The following ADARB2 variants were observed in gnomAD, a reference collection of about 807,000 sequenced individuals.
ADARB2 encodes adenosine deaminase RNA specific B2 (inactive), also known as inactive double-stranded RNA-specific editase B2.
In ADARB2, 25 loss-of-function variants were observed where a neutral mutation model predicts 62.2. That is an observed-to-expected ratio of 0.40 (90% CI 0.29 to 0.56). The LOEUF is 0.56. ADARB2 is among the 20% of genes least tolerant of loss of function. The pLI is 0.43. For synonymous variants in ADARB2, 572 were observed against 500.8 expected (o/e 1.14, Z -1.90); for missense variants, 1,071 against 1,077.4 (o/e 0.99, Z 0.08).
chr10:1,317,759 G>GC (rs984368560), intron 3 of ADARB2, among the ~76,000 whole-genome samples: 1 of 146,960 alleles, frequency 6.8e-6, no homozygotes, highest in African/African-American at 2.5e-5. Context: ...GCCTGGGGGG[G>GC]GGTGGGTCAG....
chr10:1,451,983 G>T (rs1012896955), intron 1 of ADARB2, among the ~76,000 whole-genome samples: 19 of 152,206 alleles, frequency 1.2e-4, no homozygotes, highest in Non-Finnish European at 2.4e-4. Flanking sequence ...TCAGTGGCTT[G>T]TTAAAGGACA....
intron 6 of ADARB2, among the ~76,000 whole-genome samples, chr10:1,220,300 GTGGTGATGGTGGTAA>G (rs1238413353): frequency 8.7e-5 from 12 of 137,886 alleles, no homozygotes; most frequent in Non-Finnish European, 1.3e-4. Flanking sequence ...GGTGGTGATG[GTGGTGATGGTGGTAA>G]TGGTGATGGT....
At chr10:1,621,417 TTTC>T (rs1178061695) in intron 1 of ADARB2, among the ~76,000 whole-genome samples, 8 of 144,056 alleles carry the variant, frequency 5.6e-5, no homozygotes, top group African/African-American at 2.3e-4. Flanking sequence ...TTTTTCTTTC[TTTC>T]TTTTTTTTTT....
chr10:1,591,301 G>A (rs1022224540), intron 1 of ADARB2, among the ~76,000 whole-genome samples: 2 of 152,210 alleles, frequency 1.3e-5, no homozygotes, highest in Admixed American at 1.3e-4. Context: ...GAGGCTCCGC[G>A]AGGGCGTGCC....
Position 1,182,923 on chromosome 10 carries a change from C to G in ADARB2, c.*270G>C. On this transcript the variant is annotated 3_prime_UTR_variant, in exon 10 of 10. Transcript: ENST00000381312. ...TAAAACCCCTTTGCCTGAATGGAGC[C>G]CCTCCCTCAGACTCCACAGGAAGAG... is the stretch of plus-strand genomic sequence containing the variant. The G allele has an allele frequency of 2.4e-6, 1 of 414,686 alleles. No individual in the cohort carries two copies. Among genetic ancestry groups the G allele is most frequent in the Non-Finnish European group, 4.4e-6 (1 of 228,856 alleles). 25.7% of individuals were successfully genotyped at this position (414,686 alleles called of 1,614,324 possible).
intron 7 of ADARB2, among the ~76,000 whole-genome samples, chr10:1,200,668 C>A (rs1407599962): frequency 6.6e-6 from 1 of 152,150 alleles, no homozygotes; most frequent in Non-Finnish European, 1.5e-5. Flanking sequence ...TGGAGATGAA[C>A]AACAAGGCCA....
intron 2 of ADARB2, among the ~76,000 whole-genome samples, chr10:1,371,971 A>G (rs1337696685): frequency 6.6e-6 from 1 of 152,108 alleles, no homozygotes; most frequent in African/African-American, 2.4e-5. Context: ...CATCTACCCA[A>G]AGGAAAAGAA....
intron 1 of ADARB2, among the ~76,000 whole-genome samples, chr10:1,525,489 C>T (rs1390637871): frequency 1.3e-5 from 2 of 151,874 alleles, no homozygotes; most frequent in East Asian, 1.9e-4. Flanking sequence ...CTCTCTTCGC[C>T]TCAGCCGTGC....
chr10:1,238,158 TC>T (rs1186249217), intron 5 of ADARB2, among the ~76,000 whole-genome samples: 1 of 998 alleles, frequency 1.0e-3, no homozygotes, highest in Non-Finnish European at 1.9e-3. Flanking sequence ...CGGTGTTTAC[TC>T]CCCTCTGCCT....
At chr10:1,211,386 C>T (rs1837149401) in intron 7 of ADARB2, among the ~76,000 whole-genome samples, 1 of 151,964 alleles carries the variant, frequency 6.6e-6, no homozygotes, top group South Asian at 2.1e-4. Context: ...CTCTATCCAT[C>T]TATCTGTCTG....
chr10:1,230,737 G>A (rs1170727438), intron 6 of ADARB2, among the ~76,000 whole-genome samples: 7 of 152,122 alleles, frequency 4.6e-5, no homozygotes, highest in Non-Finnish European at 8.8e-5. Flanking sequence ...CCCTGTTATA[G>A]GAGAGTTCAC....
chr10:1,660,332 CTG>C (rs1201752440), intron 1 of ADARB2, among the ~76,000 whole-genome samples: 1 of 152,202 alleles, frequency 6.6e-6, no homozygotes, highest in African/African-American at 2.4e-5. Context: ...GCATTTCACT[CTG>C]TGTCAGAAAT....
chr10:1,564,833 A>G (rs1214656374), intron 1 of ADARB2, among the ~76,000 whole-genome samples: 1 of 149,864 alleles, frequency 6.7e-6, no homozygotes, highest in Non-Finnish European at 1.5e-5. Flanking sequence ...AGAGCTTTGT[A>G]ATAATAGCAA....
chr10:1,523,268 G>A (rs182365899), intron 1 of ADARB2, among the ~76,000 whole-genome samples: 22 of 152,272 alleles, frequency 1.4e-4, no homozygotes, highest in Admixed American at 7.8e-4. Context: ...GATATGTAAC[G>A]TAGGCAGTGG....
At chr10:1,650,607 G>C (rs1029041659) in intron 1 of ADARB2, among the ~76,000 whole-genome samples, 1 of 152,196 alleles carries the variant, frequency 6.6e-6, no homozygotes, top group Non-Finnish European at 1.5e-5. Flanking sequence ...CTATCGGTCC[G>C]TGAAAGGTCT....
chr10:1,239,377 T>C (rs1232510473), intron 5 of ADARB2, among the ~76,000 whole-genome samples: 4 of 5,530 alleles, frequency 7.2e-4, no homozygotes, highest in Non-Finnish European at 2.0e-3. Context: ...TCCCGGTGTT[T>C]ACTCCCCCCT....
At chr10:1,484,282 T>C (rs1464131696) in intron 1 of ADARB2, among the ~76,000 whole-genome samples, 1 of 152,242 alleles carries the variant, frequency 6.6e-6, no homozygotes, top group Non-Finnish European at 1.5e-5. Context: ...TAAAATTTCT[T>C]GGGCACACAA....
chr10:1,353,756 A>G (rs1832167997), intron 3 of ADARB2, among the ~76,000 whole-genome samples: 1 of 152,090 alleles, frequency 6.6e-6, no homozygotes, highest in African/African-American at 2.4e-5. Context: ...TACACACATC[A>G]CAGAAACAAT....
chr10:1,406,052 A>G (rs1832705841), intron 1 of ADARB2, among the ~76,000 whole-genome samples: 2 of 152,196 alleles, frequency 1.3e-5, no homozygotes, highest in Admixed American at 1.3e-4. Flanking sequence ...CATTTATTAA[A>G]CCATTTGCCT....
Sources: allele counts gnomAD v4.1 joint callset (sites outside exome capture counted in the v4.1 genomes callset), GRCh38; gene constraint gnomAD v4.1.1; transcripts MANE v1.5; gene names NCBI Gene and HGNC (gene_info 2026-07-23, HGNC 2026-07-21).